The following PCNX2 variants were observed in gnomAD, a reference collection of about 807,000 sequenced individuals.
PCNX2 encodes pecanex 2.
In PCNX2, 168 loss-of-function variants were observed where a neutral mutation model predicts 223.8. That is an observed-to-expected ratio of 0.75 (90% confidence interval 0.66 to 0.85). The LOEUF is 0.85. Among genes scored for constraint, PCNX2 ranks in the 40% least tolerant of loss-of-function variants. PCNX2 has a pLI of 0.00. For missense variants in PCNX2, 2,507 were observed against 2,675.5 expected (o/e 0.94, Z 1.39); for synonymous variants, 1,006 against 1,052.6 (o/e 0.96, Z 0.86).
At chr1:233,192,751 G>A (rs1014774554) in intron 15 of PCNX2, among the ~76,000 whole-genome samples, 2 of 151,784 alleles carry the variant, frequency 1.3e-5, no homozygotes, top group East Asian at 3.9e-4. Flanking sequence ...AGCAAACAAT[G>A]CAGAAAATAA....
chr1:233,092,100 T>C (rs1348509311), intron 22 of PCNX2, among the ~76,000 whole-genome samples: 2 of 152,078 alleles, frequency 1.3e-5, no homozygotes, highest in Admixed American at 1.3e-4. Flanking sequence ...ATGCAAGATA[T>C]CATTGAGTGA....
Position 233,178,586 on chromosome 1 carries a change from C to T in PCNX2, c.3176+480G>A, listed in dbSNP as rs541874631. On this transcript the variant is annotated intron_variant, in intron 16 of 33. Coordinates refer to ENST00000258229, the MANE Select transcript of PCNX2 (RefSeq NM_014801.4). Reference sequence around the variant, plus strand: ...CAAATTTCACTTTAAATCCAGAGGACGTTGGCCAGATTGGGAACAACAACA... The same window carrying T: ...CAAATTTCACTTTAAATCCAGAGGATGTTGGCCAGATTGGGAACAACAACA... Among the ~76,000 whole-genome samples the T allele has an allele frequency of 3.3e-4, 51 of 152,286 alleles. 1 individual carries two copies. The South Asian group carries it at 9.5e-3, about 28-fold the overall frequency.
At chr1:233,218,444 G>C (rs775202809) in intron 10 of PCNX2, among the ~76,000 whole-genome samples, 1 of 151,778 alleles carries the variant, frequency 6.6e-6, no homozygotes, top group Non-Finnish European at 1.5e-5. Context: ...TAGAGATGGG[G>C]TTTCACAATG....
intron 17 of PCNX2, among the ~76,000 whole-genome samples, chr1:233,165,724 A>C (rs1472307340): frequency 1.3e-5 from 2 of 152,190 alleles, no homozygotes; most frequent in Non-Finnish European, 2.9e-5. Flanking sequence ...AAACTAAATA[A>C]ATAAATGGGG....
intron 19 of PCNX2, among the ~76,000 whole-genome samples, chr1:233,157,501 T>G (rs750591588): frequency 9.9e-5 from 15 of 152,242 alleles, no homozygotes; most frequent in Non-Finnish European, 1.9e-4. Context: ...CTGGAACCAC[T>G]GTGTCCCAGC....
intron 4 of PCNX2, among the ~76,000 whole-genome samples, 173 bp downstream of exon 4, chr1:233,261,112 C>A (rs552497999): frequency 6.6e-6 from 1 of 152,110 alleles, no homozygotes; most frequent in South Asian, 2.1e-4. Flanking sequence ...TATACAAATA[C>A]CGATGAGAAA....
At chr1:233,124,203 A>G (rs1675968726) in intron 21 of PCNX2, among the ~76,000 whole-genome samples, 1 of 152,164 alleles carries the variant, frequency 6.6e-6, no homozygotes, top group East Asian at 1.9e-4. Flanking sequence ...AAAGCTGTAG[A>G]CAATTTAAGT....
At chr1:233,141,039 TAA>T (rs879365527) in intron 19 of PCNX2, among the ~76,000 whole-genome samples, 1 of 145,564 alleles carries the variant, frequency 6.9e-6, no homozygotes, top group South Asian at 2.2e-4. Flanking sequence ...CAATTTATAG[TAA>T]AAAAAAAAAC....
At chr1:233,120,758 ATTTAAC>A (rs1675734934) in intron 21 of PCNX2, among the ~76,000 whole-genome samples, 1 of 152,232 alleles carries the variant, frequency 6.6e-6, no homozygotes, top group African/African-American at 2.4e-5. Flanking sequence ...ATAGACATTA[ATTTAAC>A]TTTATCAACA....
chr1:233,101,258 T>C (rs1674472229), intron 21 of PCNX2, among the ~76,000 whole-genome samples: 2 of 152,152 alleles, frequency 1.3e-5, no homozygotes, highest in South Asian at 4.1e-4. Flanking sequence ...ATAGAAAAAG[T>C]AAAGCTAGTG....
chr1:233,082,168 T>C (rs999344991), intron 23 of PCNX2, among the ~76,000 whole-genome samples: 2 of 152,168 alleles, frequency 1.3e-5, no homozygotes, highest in African/African-American at 2.4e-5. Flanking sequence ...TTTTCTGATC[T>C]GTCAAATAAG....
intron 25 of PCNX2, chr1:233,033,121 G>A (rs750068974): frequency 2.0e-5 from 20 of 985,272 alleles, no homozygotes; most frequent in Non-Finnish European, 2.2e-5. Flanking sequence ...AAGCTGGCAA[G>A]GCTGTCTCTG....
chr1:233,202,736 G>A (rs997047142), intron 13 of PCNX2, among the ~76,000 whole-genome samples: 12 of 152,246 alleles, frequency 7.9e-5, no homozygotes, highest in African/African-American at 9.6e-5. Flanking sequence ...TATTGAAGAT[G>A]CATTATTTTT....
chr1:233,124,665 C>G (rs1015084946), intron 21 of PCNX2, among the ~76,000 whole-genome samples: 7 of 152,174 alleles, frequency 4.6e-5, no homozygotes, highest in African/African-American at 1.7e-4. Flanking sequence ...TTGGGAATGC[C>G]TAAGGACTCA....
chr1:233,026,967 ATC>A (rs1201105189), intron 25 of PCNX2, among the ~76,000 whole-genome samples: 1 of 152,190 alleles, frequency 6.6e-6, no homozygotes, highest in African/African-American at 2.4e-5. Context: ...GCTATTTCAA[ATC>A]ACCTATATGC....
chr1:233,299,196 T>C (rs1662221471), upstream of PCNX2, among the ~76,000 whole-genome samples: 1 of 152,160 alleles, frequency 6.6e-6, no homozygotes, highest in Non-Finnish European at 1.5e-5. Context: ...GGAGGAAACC[T>C]AAATTCCTCC....
At chr1:233,040,116 T>C (rs1395410424) in intron 25 of PCNX2, among the ~76,000 whole-genome samples, 2 of 152,218 alleles carry the variant, frequency 1.3e-5, no homozygotes, top group African/African-American at 4.8e-5. Context: ...TACGGTATCA[T>C]TGTTTTTCTC....
chr1:233,212,125 TA>T (rs1572086632), intron 12 of PCNX2, among the ~76,000 whole-genome samples: 1 of 152,242 alleles, frequency 6.6e-6, no homozygotes, highest in East Asian at 1.9e-4. Context: ...AGTTCACTTG[TA>T]CATTCAGAGC....
chr1:233,301,855 A>G, the PCNX2 span, among the ~76,000 whole-genome samples: 6 of 145,734 alleles, frequency 4.1e-5, no homozygotes, highest in African/African-American at 1.3e-4. Context: ...GCAGTGGTGC[A>G]ATCTCAGCTC....
Sources: allele counts gnomAD v4.1 joint callset (sites outside exome capture counted in the v4.1 genomes callset), GRCh38; gene constraint gnomAD v4.1.1; transcripts MANE v1.5; gene names NCBI Gene and HGNC (gene_info 2026-07-23, HGNC 2026-07-21).